Variants in PTPN14 observed in about 807,000 individuals in gnomAD.
PTPN14 encodes protein tyrosine phosphatase non-receptor type 14.
A neutral mutation model predicts 126.8 loss-of-function variants in PTPN14; 53 were observed. That is an observed-to-expected ratio of 0.42 (90% confidence interval 0.34 to 0.53). PTPN14 has a LOEUF of 0.53. Ranked by LOEUF, PTPN14 falls within the 20% of genes least tolerant of loss-of-function variation. PTPN14 has a pLI of 0.08. For missense variants in PTPN14, 1,257 were observed against 1,552.9 expected (o/e 0.81, Z 3.20); for synonymous variants, 630 against 599.3 (o/e 1.05, Z -0.75).
chr1:214,384,770 T>A lies in PTPN14; in HGVS notation c.1085A>T (p.Asn362Ile). Residue 362 changes from asparagine to isoleucine, a missense_variant, in exon 13 of 19, where the codon AAT (asparagine) becomes ATT (isoleucine). By Grantham distance (149) the Asn-to-Ile change is moderately radical. This residue lies in a region of PTPN14 where 1,021 missense variants were observed against 1,183.3 expected (regional missense o/e 0.86). Coordinates refer to ENST00000366956, the MANE Select transcript of PTPN14 (RefSeq NM_005401.5). The surrounding 1 kb of genome is among the most constrained non-coding windows in gnomAD (Gnocchi z 5.3). ...HTSQDSIFHG[N>I]EEALYCNSHN... ...AGAGTTGCAATACAAGGCTTCTTCA[T>A]TCCCATGAAAAATGCTGTCTACAAG... 3 of 1,612,762 alleles carry A rather than the reference T, an allele frequency of 1.9e-6. No individual in the cohort carries two copies. The highest frequency in any genetic ancestry group is 2.5e-6 in the Non-Finnish European group (3 of 1,179,330).
intron 3 of PTPN14, among the ~76,000 whole-genome samples, chr1:214,424,307 T>A (rs373029499): frequency 0.011 from 1,621 of 148,542 alleles, 35 homozygotes; most frequent in African/African-American, 0.038. Context: ...AAAAAAAAAA[T>A]CAGAGTACCA....
chr1:214,505,722 G>A (rs562604796), intron 1 of PTPN14, among the ~76,000 whole-genome samples: 2 of 152,160 alleles, frequency 1.3e-5, no homozygotes, highest in African/African-American at 2.4e-5. Flanking sequence ...ACAGCAAGAC[G>A]TCACCTCTCC....
intron 16 of PTPN14, chr1:214,372,304 G>A (rs1397043424): frequency 4.0e-5 from 5 of 125,672 alleles, no homozygotes; most frequent in Non-Finnish European, 7.7e-5. Context: ...CTGGGTGCCT[G>A]GAGTTGGGCG....
At chr1:214,492,582 T>A (rs1661274088) in intron 1 of PTPN14, among the ~76,000 whole-genome samples, 1 of 152,184 alleles carries the variant, frequency 6.6e-6, no homozygotes, top group Non-Finnish European at 1.5e-5. Flanking sequence ...AAATGAGGCA[T>A]TCCTTGCTGG....
chr1:214,382,572 T>C (rs1014997297), intron 13 of PTPN14, among the ~76,000 whole-genome samples: 2 of 152,208 alleles, frequency 1.3e-5, no homozygotes, highest in Non-Finnish European at 2.9e-5. Flanking sequence ...CTTCTAGTGC[T>C]CTTCCTACCT....
In PTPN14 at chr1:214,355,727, TC is replaced by T. The variant is rs1657802916; in HGVS notation, c.*2194del. The T allele has an allele frequency of 6.6e-6, 1 of 152,050 alleles. No homozygotes were observed. Among genetic ancestry groups the T allele is most frequent in the South Asian group, 2.1e-4 (1 of 4,828 alleles). The allele number at this position is 152,050 out of a possible 1,614,324, so 9.4% of individuals were successfully genotyped here. On this transcript the variant is annotated 3_prime_UTR_variant, in exon 19 of 19. Transcript: ENST00000366956. ...CCAGGTTGAAACAGAGGATTCCTAT[TC>T]CGAAGAACTTAATGGGGAATATATA...
At chr1:214,427,794 A>C (rs972399017) in intron 3 of PTPN14, among the ~76,000 whole-genome samples, 2 of 152,200 alleles carry the variant, frequency 1.3e-5, no homozygotes, top group African/African-American at 4.8e-5. Flanking sequence ...CTGAAAAAAA[A>C]ATGAGGAGCT....
At position 214,384,656 on chromosome 1, in the gene PTPN14, G is replaced by A. The variant is rs778272936; in HGVS notation, c.1199C>T (p.Ser400Leu). 2.4e-5 allele frequency: 38 copies of A among 1,614,032 alleles called. No individual in the cohort carries two copies. In the South Asian group the frequency reaches 2.5e-4, roughly 11 times the overall value. The change falls in exon 13 of 19, where the codon TCG becomes TTG. Residue 400 changes from serine to leucine, a missense_variant. This residue lies in a region of PTPN14 where 1,021 missense variants were observed against 1,183.3 expected (regional missense o/e 0.86). Coordinates refer to ENST00000366956, the MANE Select transcript of PTPN14 (RefSeq NM_005401.5). This position sits in a 1 kb window ranked among gnomAD's most constrained non-coding sequence, Gnocchi z 5.3. ...AGGGGAGGCCTGGATGAAACTTTGC[G>A]AGCAGTTGAGGGAGTTGACGCTGTG... is the stretch of plus-strand genomic sequence containing the variant. ...SVHSVNSLNC[S>L]QSFIQASPVS...
chr1:214,358,070 G>A lies in PTPN14; in HGVS notation c.3436-20C>T. ...CACCTTCTGCAAGAAAAGAGAGAAAGCACAAGGTCCTGAGACAGGAGGCTT... is the reference window on the plus strand; with the variant it reads ...CACCTTCTGCAAGAAAAGAGAGAAAACACAAGGTCCTGAGACAGGAGGCTT... On this transcript the variant is annotated intron_variant, in intron 18 of 18. Coordinates refer to ENST00000366956, the MANE Select transcript of PTPN14 (RefSeq NM_005401.5). 2 of 1,611,184 alleles carry A rather than the reference G, an allele frequency of 1.2e-6. No homozygotes were observed. The highest frequency in any genetic ancestry group is 1.7e-6 in the Non-Finnish European group (2 of 1,179,028).
chr1:214,362,692 G>A (rs1158119327), intron 18 of PTPN14, among the ~76,000 whole-genome samples: 1 of 152,196 alleles, frequency 6.6e-6, no homozygotes, highest in Non-Finnish European at 1.5e-5. Context: ...AGGGGAAGTA[G>A]GGAGCGGAGC....
At chr1:214,531,672 T>C (rs1018302719) in intron 1 of PTPN14, 2 of 152,200 alleles carry the variant, frequency 1.3e-5, no homozygotes, top group African/African-American at 2.4e-5. Context: ...CCCAGGATAT[T>C]TATGGGTCTG....
intron 3 of PTPN14, among the ~76,000 whole-genome samples, chr1:214,433,216 G>T (rs1247455043): frequency 3.3e-5 from 5 of 151,854 alleles, no homozygotes; most frequent in African/African-American, 1.2e-4. Flanking sequence ...TTTTGCACTT[G>T]TCTGTGCATA....
At chr1:214,509,050 A>G (rs993150505) in intron 1 of PTPN14, among the ~76,000 whole-genome samples, 1 of 152,210 alleles carries the variant, frequency 6.6e-6, no homozygotes, top group Non-Finnish European at 1.5e-5. Flanking sequence ...CATAATTCTT[A>G]AAGACTCTAG....
intron 1 of PTPN14, among the ~76,000 whole-genome samples, chr1:214,525,899 T>G (rs1369580350): frequency 6.6e-6 from 1 of 151,608 alleles, no homozygotes; most frequent in Non-Finnish European, 1.5e-5. Context: ...CCGTTACACA[T>G]CTGCCCAGAG....
rs1658553926 is a variant in PTPN14, at chr1:214,384,275, T to A, written c.1580A>T (p.Lys527Met). 1 of 1,614,068 alleles carries A rather than the reference T, an allele frequency of 6.2e-7. No individual in the cohort carries two copies. The highest frequency in any genetic ancestry group is 8.5e-7 in the Non-Finnish European group (1 of 1,180,040). Residue 527 changes from lysine to methionine, a missense_variant, in exon 13 of 19, where the codon AAG becomes ATG. By Grantham distance (95) the Lys-to-Met change is moderately conservative. This residue lies in a region of PTPN14 where 1,021 missense variants were observed against 1,183.3 expected (regional missense o/e 0.86). Coordinates refer to ENST00000366956, the MANE Select transcript of PTPN14 (RefSeq NM_005401.5). This position sits in a 1 kb window ranked among gnomAD's most constrained non-coding sequence, Gnocchi z 5.3. ...GTGCGAGATGGCGCTTGCCCCCGGC[T>A]TGCTTGGTACCACATTATTCTTTGG... ...RNPKNNVVPS[K>M]PGASAISHTV...
chr1:214,545,530 T>A (rs1488844899), intron 1 of PTPN14, among the ~76,000 whole-genome samples: 1 of 152,154 alleles, frequency 6.6e-6, no homozygotes, highest in African/African-American at 2.4e-5. Context: ...AATTTTACCA[T>A]GAGTTTTGGA....
At chr1:214,527,663 A>T (rs1391776152) in intron 1 of PTPN14, among the ~76,000 whole-genome samples, 1 of 152,200 alleles carries the variant, frequency 6.6e-6, no homozygotes, top group East Asian at 1.9e-4. Flanking sequence ...CTGAACGGTC[A>T]TGTGGCTAAA....
chr1:214,524,231 C>T (rs1203597635), intron 1 of PTPN14, among the ~76,000 whole-genome samples: 1 of 152,038 alleles, frequency 6.6e-6, no homozygotes, highest in South Asian at 2.1e-4. Context: ...ATTTTCACAT[C>T]GTTCTATAGA....
intron 1 of PTPN14, among the ~76,000 whole-genome samples, chr1:214,494,615 CT>C (rs891505835): frequency 1.3e-5 from 2 of 152,108 alleles, no homozygotes; most frequent in African/African-American, 4.8e-5. Context: ...ACATTAAGCT[CT>C]TTTTTTGCAA....
Sources: allele counts gnomAD v4.1 joint callset (sites outside exome capture counted in the v4.1 genomes callset), GRCh38; gene constraint gnomAD v4.1.1; regional missense constraint gnomAD v4.1.1; non-coding constraint Gnocchi (gnomAD v3.1); transcripts MANE v1.5; gene names NCBI Gene and HGNC (gene_info 2026-07-23, HGNC 2026-07-21).